The following HPGD variants were observed in gnomAD, a reference collection of about 807,000 sequenced individuals.
HPGD encodes 15-hydroxyprostaglandin dehydrogenase [NAD(+)].
A neutral mutation model predicts 30.0 loss-of-function variants in HPGD; 29 were observed. That is an observed-to-expected ratio of 0.97 (90% CI 0.72 to 1.32). The LOEUF is 1.32. Ranked by LOEUF, HPGD falls within the 40% of genes most tolerant of loss-of-function variation. The pLI is 0.00. For synonymous variants in HPGD, 99 were observed against 112.4 expected, an observed-to-expected ratio of 0.88 and a Z score of 0.75; for missense variants, 340 against 322.1, an observed-to-expected ratio of 1.06 and a Z score of -0.43.
chr4:174,522,506 G>C, upstream of HPGD: 2 of 1,419,514 alleles, frequency 1.4e-6, no homozygotes, highest in Non-Finnish European at 1.9e-6. Flanking sequence ...CCGCGCGGCC[G>C]CGGCTTTTAT....
In HPGD at chr4:174,522,426, A is replaced by G; in HGVS notation, c.26T>C (p.Leu9Pro). 6.3e-7 allele frequency: 1 copy of G among 1,583,400 alleles called. No homozygotes were observed. Among genetic ancestry groups the G allele is most frequent in the South Asian group, 1.1e-5 (1 of 87,286 alleles). The change falls in exon 1 of 7, where the codon CTG becomes CCG. Residue 9 changes from leucine to proline, a missense_variant. Leu to Pro is a moderately conservative substitution (Grantham distance 98). Transcript: ENST00000296522. ...TATGCCCTGAGCCGCGCCGGTCACC[A>G]GCGCCACTTTGCCGTTCACGTGCAT... MHVNGKVA[L>P]VTGAAQGIGR...
In HPGD at chr4:174,494,574, T is replaced by C. The variant is rs988943387; in HGVS notation, c.498+974A>G. ...AAATTAAGCAATAATTTCCAATCAA[T>C]TTAAGAGTGTGAGAACTACTTATCT... On this transcript the variant is annotated intron_variant, in intron 5 of 6. Transcript: ENST00000296522. The surrounding 1 kb of genome is among the most constrained non-coding windows in gnomAD (Gnocchi z 4.9). Among the ~76,000 whole-genome samples, 1 of 152,212 alleles carries C rather than the reference T, an allele frequency of 6.6e-6. No homozygotes were observed. The highest frequency in any genetic ancestry group is 1.5e-5 in the Non-Finnish European group (1 of 68,036).
At chr4:174,505,635 C>G (rs2110820721) in intron 4 of HPGD, among the ~76,000 whole-genome samples, 1 of 144,004 alleles carries the variant, frequency 6.9e-6, no homozygotes, top group East Asian at 1.9e-4. Flanking sequence ...GGATAAAATA[C>G]AAGGCAATTC....
chr4:174,494,368 A>G lies in HPGD; in HGVS notation c.499-1054T>C, dbSNP rs1356203019. Among the ~76,000 whole-genome samples the G allele has an allele frequency of 6.6e-6, 1 of 152,176 alleles. No individual in the cohort carries two copies. Among genetic ancestry groups the G allele is most frequent in the African/African-American group, 2.4e-5 (1 of 41,446 alleles). ...CCCTAAAAGCAATGGTTCAGTAGTC[A>G]CTAATGTAGTGTTTGTAAGTGACTT... is the stretch of plus-strand genomic sequence containing the variant. On this transcript the variant is annotated intron_variant, in intron 5 of 6. Transcript: ENST00000296522. This position sits in a 1 kb window ranked among gnomAD's most constrained non-coding sequence, Gnocchi z 4.9.
At chr4:174,521,056 A>G (rs1736077338) in intron 2 of HPGD, among the ~76,000 whole-genome samples, 1 of 152,214 alleles carries the variant, frequency 6.6e-6, no homozygotes, top group Admixed American at 6.5e-5. Context: ...CACTGGAATA[A>G]GATTTGCAAA....
chr4:174,495,872 G>A (rs960862815), intron 4 of HPGD: 66 of 502,108 alleles, frequency 1.3e-4, no homozygotes, highest in Admixed American at 3.3e-5. Flanking sequence ...AGAGTTATAT[G>A]TGTTTTTCTG....
chr4:174,502,677 CAAA>C (rs10694450), intron 4 of HPGD, among the ~76,000 whole-genome samples: 5 of 98,842 alleles, frequency 5.1e-5, no homozygotes, highest in African/African-American at 1.9e-4. Flanking sequence ...GACTCCGTCT[CAAA>C]AAAAAAAAAA....
intron 4 of HPGD, among the ~76,000 whole-genome samples, chr4:174,497,920 G>A (rs112570577): frequency 0.028 from 2,879 of 104,206 alleles, 51 homozygotes; most frequent in African/African-American, 0.084. Context: ...TCTTCCCCCC[G>A]CCCCATACCT....
At chr4:174,497,549 C>CTTTTCTTTCT (rs1473942580) in intron 4 of HPGD, among the ~76,000 whole-genome samples, 14 of 64,386 alleles carry the variant, frequency 2.2e-4, no homozygotes, top group African/African-American at 6.9e-4. Flanking sequence ...CTTTCACTTT[C>CTTTTCTTTCT]TTTTCTTTCT....
chr4:174,522,338 G>A, intron 1 of HPGD, 21 bp downstream of exon 1: 2 of 1,549,618 alleles, frequency 1.3e-6, no homozygotes, highest in Non-Finnish European at 8.7e-7. Context: ...AGAAATTTCC[G>A]CGGCTGGGCG....
rs1016385228 is a variant in HPGD, at chr4:174,517,966, C to T, written c.324+5G>A. On this transcript the variant is annotated splice_donor_5th_base_variant and intron_variant, in intron 3 of 6. Transcript: ENST00000296522. ...TAGACAAGAAATATAGCTAAGATAA[C>T]TCACCAAATTAATTTGCAGAGTTTT... 1.6e-5 allele frequency: 22 copies of T among 1,414,330 alleles called. No individual in the cohort carries two copies. In the East Asian group the frequency reaches 3.9e-4, roughly 25 times the overall value. 87.6% of individuals were successfully genotyped at this position (1,414,330 alleles called of 1,614,324 possible). A position where few individuals can be genotyped will look rare whatever the true frequency, so the allele number is the denominator to read the frequency against.
chr4:174,521,277 T>C (rs1337638910), intron 2 of HPGD, among the ~76,000 whole-genome samples: 1 of 151,648 alleles, frequency 6.6e-6, no homozygotes, highest in Non-Finnish European at 1.5e-5. Context: ...TGTATGCCAA[T>C]ATTGTCCCTG....
At position 174,494,826 on chromosome 4, in the gene HPGD, C is replaced by T. The variant is rs969967415; in HGVS notation, c.498+722G>A. ...GGTCTTCTTAAAAAGGAAATCTGATCTTATCACTCCTGCGTGTAAAAGCCC... is the reference window on the plus strand; with the variant it reads ...GGTCTTCTTAAAAAGGAAATCTGATTTTATCACTCCTGCGTGTAAAAGCCC... On this transcript the variant is annotated intron_variant, in intron 5 of 6. Transcript: ENST00000296522. This position sits in a 1 kb window ranked among gnomAD's most constrained non-coding sequence, Gnocchi z 4.9. Among the ~76,000 whole-genome samples the T allele has an allele frequency of 5.3e-5, 8 of 152,134 alleles. No individual in the cohort carries two copies. Among genetic ancestry groups the T allele is most frequent in the Non-Finnish European group, 1.2e-4 (8 of 68,020 alleles).
At chr4:174,511,029 A>C (rs570105511) in intron 3 of HPGD, among the ~76,000 whole-genome samples, 1 of 152,278 alleles carries the variant, frequency 6.6e-6, no homozygotes, top group African/African-American at 2.4e-5. Flanking sequence ...ATTCACATAA[A>C]CTATGGTTTA....
chr4:174,519,362 C>A (rs544480166), intron 2 of HPGD, among the ~76,000 whole-genome samples: 2 of 152,104 alleles, frequency 1.3e-5, no homozygotes, highest in African/African-American at 2.4e-5. Flanking sequence ...TACAGGCGCC[C>A]ACCACCACGC....
chr4:174,495,791 T>C lies in HPGD; in HGVS notation c.422-167A>G. The C allele has an allele frequency of 9.2e-6, 6 of 652,092 alleles. No individual in the cohort carries two copies. In the South Asian group the frequency reaches 1.0e-4, roughly 11 times the overall value. The allele number at this position is 652,092 out of a possible 1,614,324, so 40.4% of individuals were successfully genotyped here. ...GCTTTGTGAAACTCAGTAGCCTAAG[T>C]GTAGTTTATTTGCTCCATGACCCGT... On this transcript the variant is annotated intron_variant, in intron 4 of 6. Transcript: ENST00000296522.
intron 4 of HPGD, chr4:174,507,857 G>A: frequency 2.3e-6 from 1 of 443,250 alleles, no homozygotes; most frequent in Non-Finnish European, 4.1e-6. Context: ...CTATAGTTTA[G>A]GATTGCATGC....
intron 3 of HPGD, among the ~76,000 whole-genome samples, chr4:174,510,960 G>A (rs1735460902): frequency 6.6e-6 from 1 of 152,146 alleles, no homozygotes. Flanking sequence ...AGATTTTGAT[G>A]CTCTGGAAGG....
rs950148894 is a variant in HPGD at position 174,522,153 on chromosome 4, T to A, written c.94-86A>T. 3.1e-6 allele frequency: 5 copies of A among 1,597,078 alleles called. No individual in the cohort carries two copies. The East Asian group carries it at 1.1e-4, about 36-fold the overall frequency. ...ATAAACACACAAGAGGCTCCCCTCC[T>A]GGACCTGAAATTTGGCAATTAGGTT... On this transcript the variant is annotated intron_variant, in intron 1 of 6. Coordinates refer to ENST00000296522, the MANE Select transcript of HPGD (RefSeq NM_000860.6).
Sources: gnomAD v4.1 joint callset for allele counts (sites outside exome capture counted in the v4.1 genomes callset) on GRCh38, gnomAD v4.1.1 for gene constraint, Gnocchi (gnomAD v3.1) non-coding constraint, MANE v1.5 for transcripts, NCBI Gene and HGNC (gene_info 2026-07-23, HGNC 2026-07-21) for gene names.